Variants in IST1 observed in about 807,000 individuals in gnomAD.
IST1 encodes the protein IST1 homolog.
Under a neutral mutation model 37.0 loss-of-function variants are expected in IST1, and 23 were observed. That is an observed-to-expected ratio of 0.62 (90% CI 0.45 to 0.88). The LOEUF is 0.88. IST1 is among the 40% of genes least tolerant of loss of function. The probability of loss-of-function intolerance (pLI) is 0.00; values close to 1 mark genes in which losing one functional copy is unlikely to be tolerated. For missense variants in IST1, 488 were observed against 445.4 expected (o/e 1.10, Z -0.86); for synonymous variants, 180 against 161.7 (o/e 1.11, Z -0.86).
chr16:71,895,563 G>A lies in IST1; in HGVS notation c.-42G>A. 2 of 985,650 alleles carry A rather than the reference G, an allele frequency of 2.0e-6. No homozygotes were observed. The highest frequency in any genetic ancestry group is 4.7e-5 in the South Asian group (1 of 21,370). The allele number at this position is 985,650 out of a possible 1,614,324, so 61.1% of individuals were successfully genotyped here. On this transcript the variant is annotated 5_prime_UTR_variant, in exon 1 of 10. Coordinates refer to ENST00000378799, the MANE Select transcript of IST1 (RefSeq NM_001270975.2). ...ATGGTGAACCCTGAAGTCGGTGTCT[G>A]CTGCGTTCACGGCAGGATTCGGTTA...
At position 71,929,880 on chromosome 16, in the gene IST1, T is replaced by G; in HGVS notation, c.*2067T>G. ...AGGACAATGGCTATAGAATATTATGTAGTCTTATAAATTGGGTTTCCTAGG... is the reference window on the plus strand; with the variant it reads ...AGGACAATGGCTATAGAATATTATGGAGTCTTATAAATTGGGTTTCCTAGG... On this transcript the variant is annotated 3_prime_UTR_variant, in exon 10 of 10. Coordinates refer to ENST00000378799, the MANE Select transcript of IST1 (RefSeq NM_001270975.2). The G allele has an allele frequency of 1.3e-5, 13 of 995,068 alleles. No individual in the cohort carries two copies. Among genetic ancestry groups the G allele is most frequent in the Non-Finnish European group, 1.7e-5 (12 of 695,064 alleles). 61.6% of individuals were successfully genotyped at this position (995,068 alleles called of 1,614,324 possible).
Position 71,930,813 on chromosome 16 carries a change from T to C in IST1, c.*3000T>C, listed in dbSNP as rs1053831284. Reference sequence around the variant, plus strand: ...AGATGTTCTTTTTCAACAAATGGTATTTATTTTCCCTTGGTATTGGCCCAT... The same window carrying C: ...AGATGTTCTTTTTCAACAAATGGTACTTATTTTCCCTTGGTATTGGCCCAT... On this transcript the variant is annotated 3_prime_UTR_variant, in exon 10 of 10. Transcript: ENST00000378799. The C allele has an allele frequency of 3.9e-5, 6 of 152,252 alleles. No homozygotes were observed. Among genetic ancestry groups the C allele is most frequent in the Non-Finnish European group, 8.8e-5 (6 of 68,050 alleles). The allele number at this position is 152,252 out of a possible 1,614,324, so 9.4% of individuals were successfully genotyped here.
chr16:71,927,502 A>AT (rs2037773188), intron 9 of IST1, 112 bp from the exon 10 acceptor site: 1 of 776,618 alleles, frequency 1.3e-6, no homozygotes, highest in African/African-American at 1.7e-5. Flanking sequence ...AAAAAAAAAA[A>AT]GTTTGTGAAC....
intron 1 of IST1, among the ~76,000 whole-genome samples, chr16:71,898,943 C>A (rs1597229286): frequency 7.1e-6 from 1 of 140,388 alleles, no homozygotes; most frequent in Non-Finnish European, 1.5e-5. Context: ...CCAGCCTGGG[C>A]AGCAGAGCAA....
chr16:71,896,879 G>A (rs2142513908), intron 1 of IST1, among the ~76,000 whole-genome samples: 1 of 152,062 alleles, frequency 6.6e-6, no homozygotes, highest in Middle Eastern at 3.4e-3. Flanking sequence ...GAGGTAGGAG[G>A]ATTGCTTGAG....
intron 8 of IST1, chr16:71,924,018 A>C: frequency 4.7e-6 from 2 of 428,326 alleles, no homozygotes; most frequent in Admixed American, 5.5e-5. Context: ...TTTGCTATGT[A>C]AATTACTCAT....
chr16:71,915,769 A>T (rs748779662), intron 2 of IST1, 41 bp downstream of exon 2: 2 of 1,213,134 alleles, frequency 1.6e-6, no homozygotes, highest in Non-Finnish European at 2.4e-6. Context: ...AAATCACTGG[A>T]TACTAGCACC....
chr16:71,924,864 C>T, intron 9 of IST1, 47 bp downstream of exon 9: 6 of 1,290,748 alleles, frequency 4.6e-6, no homozygotes, highest in Non-Finnish European at 6.8e-6. Context: ...GCTGAACCCT[C>T]TGCTGTTTTC....
Position 71,900,327 on chromosome 16 carries a change from CTTTTTTTTTT to C in IST1, c.-16+4752_-16+4761del, listed in dbSNP as rs201344260. Among the ~76,000 whole-genome samples the C allele has an allele frequency of 1.4e-4, 14 of 100,508 alleles. No individual in the cohort carries two copies. In the East Asian group the frequency reaches 2.4e-3, roughly 17 times the overall value. 65.9% of individuals were successfully genotyped at this position (100,508 alleles called of 152,430 possible). On this transcript the variant is annotated intron_variant, in intron 1 of 9. Transcript: ENST00000378799. ...CACTGAGTTTACTCCCTTAGGAAGT[CTTTTTTTTTT>C]TTTTTTTTTTTTTGGCTACTTTTAG... is the stretch of plus-strand genomic sequence containing the variant.
intron 1 of IST1, among the ~76,000 whole-genome samples, chr16:71,904,807 G>A (rs941345171): frequency 2.0e-5 from 3 of 152,152 alleles, no homozygotes; most frequent in African/African-American, 7.2e-5. Context: ...GTTGTTGACA[G>A]TATATAGTGG....
Position 71,928,803 on chromosome 16 carries a change from CTT to C in IST1, c.*991_*992del, listed in dbSNP as rs1245992158. On this transcript the variant is annotated 3_prime_UTR_variant, in exon 10 of 10. Coordinates refer to ENST00000378799, the MANE Select transcript of IST1 (RefSeq NM_001270975.2). ...ACTGCTTTCCTGGATGGATGGGACT[CTT>C]ATGTCATAACTTCTGTTACTCCTTT... The C allele has an allele frequency of 1.3e-5, 2 of 152,184 alleles. No individual in the cohort carries two copies. The highest frequency in any genetic ancestry group is 4.8e-5 in the African/African-American group (2 of 41,452). The allele number at this position is 152,184 out of a possible 1,614,324, so 9.4% of individuals were successfully genotyped here.
At chr16:71,913,305 A>G (rs1345739314) in intron 1 of IST1, among the ~76,000 whole-genome samples, 1 of 151,552 alleles carries the variant, frequency 6.6e-6, no homozygotes, top group African/African-American at 2.4e-5. Context: ...TAGCCATCCT[A>G]ATGGGTGTGA....
intron 1 of IST1, among the ~76,000 whole-genome samples, chr16:71,901,811 A>G (rs549761663): frequency 2.0e-5 from 3 of 152,358 alleles, no homozygotes; most frequent in African/African-American, 2.4e-5. Flanking sequence ...AACATAATAC[A>G]TGAGCGACAG....
At chr16:71,921,142 G>A (rs1295658786) in intron 5 of IST1, 2 of 600,906 alleles carry the variant, frequency 3.3e-6, no homozygotes, top group Admixed American at 2.9e-5. Flanking sequence ...CAGCATCTGG[G>A]TCATGTGTAA....
intron 1 of IST1, among the ~76,000 whole-genome samples, chr16:71,908,369 G>A (rs1214980615): frequency 1.6e-5 from 2 of 122,056 alleles, no homozygotes; most frequent in African/African-American, 3.2e-5. Context: ...GCACGATCTC[G>A]GCTCACTGCA....
At chr16:71,926,703 A>C (rs895781368) in intron 9 of IST1, among the ~76,000 whole-genome samples, 3 of 152,168 alleles carry the variant, frequency 2.0e-5, no homozygotes, top group African/African-American at 7.2e-5. Flanking sequence ...AAGGTATACA[A>C]CATTACTCTT....
chr16:71,916,288 T>TC (rs1330418324), intron 2 of IST1, among the ~76,000 whole-genome samples, 174 bp from the exon 3 acceptor site: 4 of 152,324 alleles, frequency 2.6e-5, no homozygotes, highest in African/African-American at 9.6e-5. Flanking sequence ...CTATATTTTC[T>TC]CACCTAGACA....
At chr16:71,917,737 C>G (rs532739152) in intron 4 of IST1, among the ~76,000 whole-genome samples, 40 of 152,036 alleles carry the variant, frequency 2.6e-4, no homozygotes, top group Non-Finnish European at 5.0e-4. Flanking sequence ...TATCTCTCAA[C>G]CCATCTACTG....
intron 1 of IST1, among the ~76,000 whole-genome samples, chr16:71,901,891 T>G (rs535468921): frequency 6.6e-6 from 1 of 152,354 alleles, no homozygotes; most frequent in African/African-American, 2.4e-5. Context: ...TAAGAAACAG[T>G]TGTCTTGCAG....
Sources: allele counts gnomAD v4.1 joint callset (sites outside exome capture counted in the v4.1 genomes callset), GRCh38; gene constraint gnomAD v4.1.1; transcripts MANE v1.5; gene names NCBI Gene and HGNC (gene_info 2026-07-23, HGNC 2026-07-21).